RUFY4: variants seen among roughly 807,000 people sequenced by gnomAD.
The protein encoded by RUFY4 is RUN and FYVE domain containing 4, also known as RUN and FYVE domain-containing protein 4.
RUFY4 carries 73 observed loss-of-function variants against 69.0 expected under a neutral mutation model. The observed-to-expected ratio is 1.06, with a 90% CI of 0.88 to 1.29. RUFY4 has a LOEUF of 1.29. Among genes scored for constraint, RUFY4 ranks in the 50% most tolerant of loss-of-function variants. RUFY4 has a pLI of 0.00. For missense variants in RUFY4, 770 were observed against 705.6 expected, an observed-to-expected ratio of 1.09 and a Z score of -1.03; for synonymous variants, 287 against 271.8, an observed-to-expected ratio of 1.06 and a Z score of -0.55.
intron 2 of RUFY4, among the ~76,000 whole-genome samples, chr2:218,054,843 A>G (rs1689025286): frequency 6.6e-6 from 1 of 152,204 alleles, no homozygotes; most frequent in Non-Finnish European, 1.5e-5. Flanking sequence ...AGGTGAAAAC[A>G]TTTGCTTATT....
At chr2:218,060,062 T>TCGGTTG in intron 3 of RUFY4, 1 of 246,044 alleles carries the variant, frequency 4.1e-6, no homozygotes, top group Admixed American at 5.5e-5. Flanking sequence ...GAGTGTAGAT[T>TCGGTTG]TTCACTTCTT....
chr2:218,082,871 A>G (rs1574517431), intron 8 of RUFY4, among the ~76,000 whole-genome samples: 1 of 131,006 alleles, frequency 7.6e-6, no homozygotes, highest in Admixed American at 8.1e-5. Flanking sequence ...GTAGCATTGT[A>G]AGTGTGTCTT....
chr2:218,085,668 C>T (rs535456828), intron 9 of RUFY4, among the ~76,000 whole-genome samples: 7 of 152,314 alleles, frequency 4.6e-5, no homozygotes, highest in African/African-American at 1.4e-4. Context: ...GCAATCCATA[C>T]CTGCTGCCTT....
chr2:218,090,000 G>A (rs1190605519), exon 11 of RUFY4: 1 of 1,568,780 alleles, frequency 6.4e-7, no homozygotes, highest in South Asian at 1.2e-5. Context: ...ATTACAAGAA[G>A]AGAGACCGCT....
intron 3 of RUFY4, among the ~76,000 whole-genome samples, chr2:218,062,345 G>A (rs1281497153): frequency 1.3e-5 from 2 of 150,604 alleles, no homozygotes; most frequent in East Asian, 1.9e-4. Context: ...GGCGGAGCTT[G>A]TAGTGAGCCG....
At chr2:218,051,209 T>G (rs1688935251) in intron 2 of RUFY4, among the ~76,000 whole-genome samples, 1 of 152,154 alleles carries the variant, frequency 6.6e-6, no homozygotes, top group South Asian at 2.1e-4. Context: ...AAACATAGCT[T>G]TAAGCTTATT....
At chr2:218,036,245 A>G (rs1462722128) in intron 2 of RUFY4, among the ~76,000 whole-genome samples, 3 of 152,152 alleles carry the variant, frequency 2.0e-5, no homozygotes, top group Non-Finnish European at 2.9e-5. Flanking sequence ...CTGGCCTACA[A>G]AATAGAGCTG....
rs540646444 is a variant in RUFY4, at chr2:218,070,577, G to A, written c.-29G>A. The A allele has an allele frequency of 3.8e-5, 58 of 1,535,296 alleles. No individual in the cohort carries two copies. In the Middle Eastern group the frequency reaches 6.7e-4, roughly 18 times the overall value. On this transcript the variant is annotated 5_prime_UTR_variant, in exon 1 of 11. Coordinates refer to ENST00000344321, the Ensembl canonical transcript of RUFY4. Reference sequence around the variant, plus strand: ...CCTTCCTGAGCTCACAGTCCAAGTTGCAAGGAATCACATCATTTCCAAGTA... The same window carrying A: ...CCTTCCTGAGCTCACAGTCCAAGTTACAAGGAATCACATCATTTCCAAGTA...
At position 218,075,745 on chromosome 2, in the gene RUFY4, G is replaced by A. The variant is rs553101892; in HGVS notation, c.1248+5G>A. The A allele has an allele frequency of 2.1e-6, 3 of 1,421,846 alleles. No individual in the cohort carries two copies. Among genetic ancestry groups the A allele is most frequent in the South Asian group, 3.9e-5 (2 of 51,562 alleles). 88.1% of individuals were successfully genotyped at this position (1,421,846 alleles called of 1,614,324 possible). A position where few individuals can be genotyped will look rare whatever the true frequency, so the allele number is the denominator to read the frequency against. ...TCCCTGCAGGACGAGATCAAGGTGA[G>A]AACAGTTGAGCTCCATACCTGGTTA... On this transcript the variant is annotated splice_donor_5th_base_variant and intron_variant, in intron 7 of 10. Coordinates refer to ENST00000344321, the Ensembl canonical transcript of RUFY4.
In RUFY4 at chr2:218,090,037, G is replaced by T. The variant is rs1210664851; in HGVS notation, c.1699G>T (p.Glu567Ter). The stretch of plus-strand genomic sequence containing the variant: ...CTGCCCACCCTGCGCCCAGGGAAGA[G>T]AAGCCCAGGTCACCTGACCAAGACC... The change falls in exon 11 of 11, where the codon GAA becomes TAA. Residue 567 changes from glutamate (E) to a stop codon, truncating the protein, a stop_gained. Transcript: ENST00000344321. LOFTEE classifies it high-confidence loss of function. 6.4e-7 allele frequency: 1 copy of T among 1,550,750 alleles called. No homozygotes were observed. Among genetic ancestry groups the T allele is most frequent in the Non-Finnish European group, 8.7e-7 (1 of 1,146,338 alleles).
chr2:218,037,366 A>G (rs1482627259), intron 2 of RUFY4, among the ~76,000 whole-genome samples: 9 of 152,186 alleles, frequency 5.9e-5, no homozygotes, highest in Non-Finnish European at 1.5e-5. Context: ...CAGGGCTACA[A>G]TCTAATAACA....
chr2:218,085,354 A>G (rs1689868760), intron 9 of RUFY4, among the ~76,000 whole-genome samples: 2 of 152,194 alleles, frequency 1.3e-5, no homozygotes, highest in South Asian at 4.1e-4. Flanking sequence ...TAAGCAAAAA[A>G]CAAAAAGAAA....
At chr2:218,083,042 C>A in intron 8 of RUFY4, 68 bp from the exon 11 acceptor site, 1 of 1,505,352 alleles carries the variant, frequency 6.6e-7, no homozygotes. Context: ...CTGGAAGAGG[C>A]TCAGCCTAGC....
At chr2:218,064,967 G>T (rs1052397213), upstream of RUFY4, among the ~76,000 whole-genome samples, 3 of 152,076 alleles carry the variant, frequency 2.0e-5, no homozygotes, top group African/African-American at 7.2e-5. Flanking sequence ...TCCTTGTCTA[G>T]AACAGAGGCC....
chr2:218,039,525 T>C (rs1370994429), intron 2 of RUFY4, among the ~76,000 whole-genome samples: 1 of 151,762 alleles, frequency 6.6e-6, no homozygotes, highest in Non-Finnish European at 1.5e-5. Flanking sequence ...TGGGGGAGGG[T>C]GGACTTGTAA....
At chr2:218,086,048 T>C (rs549374475) in intron 9 of RUFY4, among the ~76,000 whole-genome samples, 1 of 152,280 alleles carries the variant, frequency 6.6e-6, no homozygotes, top group Admixed American at 6.5e-5. Flanking sequence ...AAAGCAGCTG[T>C]CAAAAGATGA....
intron 2 of RUFY4, among the ~76,000 whole-genome samples, chr2:218,044,428 A>AT (rs540835434): frequency 1.3e-5 from 2 of 152,160 alleles, no homozygotes; most frequent in South Asian, 2.1e-4. Flanking sequence ...CTCAGATCAC[A>AT]TTTTTTTTAT....
exon 1 of RUFY4, chr2:218,070,618 G>A: frequency 6.5e-7 from 1 of 1,537,606 alleles, no homozygotes; most frequent in Non-Finnish European, 8.7e-7. Flanking sequence ...GGCAGAAGAG[G>A]GAGCCATCCT....
chr2:218,061,447 G>C (rs532801003), intron 3 of RUFY4: 2 of 208,380 alleles, frequency 9.6e-6, no homozygotes, highest in South Asian at 8.5e-5. Context: ...CTATAGAAGA[G>C]AGAAGAGGAT....
Sources: gnomAD v4.1 joint callset for allele counts (sites outside exome capture counted in the v4.1 genomes callset) on GRCh38, gnomAD v4.1.1 for gene constraint, MANE v1.5 for transcripts, NCBI Gene and HGNC (gene_info 2026-07-23, HGNC 2026-07-21) for gene names.